DSCAM: variants seen among roughly 807,000 people sequenced by gnomAD.
DSCAM encodes the protein cell adhesion molecule DSCAM.
DSCAM carries 47 observed loss-of-function variants against 217.7 expected under a neutral mutation model. The ratio of observed to expected loss-of-function variants is 0.22; its 90% CI spans 0.17 to 0.28. The LOEUF (loss-of-function observed/expected upper bound fraction) is 0.28. Ranked by LOEUF, DSCAM falls within the 10% of genes least tolerant of loss-of-function variation. The probability of loss-of-function intolerance (pLI) is 1.00; values close to 1 mark genes in which losing one functional copy is unlikely to be tolerated. For synonymous variants in DSCAM, 1,056 were observed against 1,015.3 expected, an observed-to-expected ratio of 1.04 and a Z score of -0.76; for missense variants, 2,080 against 2,618.3, an observed-to-expected ratio of 0.79 and a Z score of 4.49.
At chr21:40,617,921 G>A (rs780548720) in intron 3 of DSCAM, among the ~76,000 whole-genome samples, 2 of 152,208 alleles carry the variant, frequency 1.3e-5, no homozygotes, top group African/African-American at 4.8e-5. Flanking sequence ...GTTCCAACGC[G>A]AAGCAGGCAA....
intron 3 of DSCAM, among the ~76,000 whole-genome samples, chr21:40,654,675 C>T (rs7277997): frequency 4.6e-5 from 7 of 152,058 alleles, no homozygotes; most frequent in Non-Finnish European, 8.8e-5. Flanking sequence ...CCTCCATCCT[C>T]AAAGTCAGCA....
intron 11 of DSCAM, among the ~76,000 whole-genome samples, chr21:40,219,795 A>AT (rs555957383): frequency 9.5e-4 from 144 of 152,300 alleles, no homozygotes; most frequent in African/African-American, 3.2e-3. Context: ...AGTTAAATGA[A>AT]TTTTTTTGAG....
chr21:40,161,279 A>G (rs1460794292), intron 16 of DSCAM, among the ~76,000 whole-genome samples: 1 of 152,216 alleles, frequency 6.6e-6, no homozygotes, highest in Non-Finnish European at 1.5e-5. Context: ...CCCAATGTAT[A>G]GACGGAGAGA....
At chr21:40,805,392 C>T (rs2091776780) in intron 1 of DSCAM, among the ~76,000 whole-genome samples, 1 of 152,136 alleles carries the variant, frequency 6.6e-6, no homozygotes, top group African/African-American at 2.4e-5. Context: ...AGTGAGATTC[C>T]ATGCCCTCTG....
intron 10 of DSCAM, among the ~76,000 whole-genome samples, chr21:40,278,229 AC>A (rs1390325297): frequency 6.6e-6 from 1 of 152,220 alleles, no homozygotes; most frequent in African/African-American, 2.4e-5. Flanking sequence ...ACTAAATAAG[AC>A]CTAAATAATT....
chr21:40,678,991 T>C (rs1312524994), intron 3 of DSCAM, among the ~76,000 whole-genome samples: 7 of 152,186 alleles, frequency 4.6e-5, no homozygotes, highest in Admixed American at 2.0e-4. Flanking sequence ...AAGACAGCTT[T>C]TGTTTTGGGA....
intron 4 of DSCAM, among the ~76,000 whole-genome samples, chr21:40,360,065 G>C (rs2074741326): frequency 6.6e-6 from 1 of 150,418 alleles, no homozygotes; most frequent in African/African-American, 2.4e-5. Flanking sequence ...ACGTGATGCT[G>C]AGGTTTGGAG....
At chr21:40,444,274 C>T (rs926312065) in intron 3 of DSCAM, among the ~76,000 whole-genome samples, 1 of 151,946 alleles carries the variant, frequency 6.6e-6, no homozygotes, top group Non-Finnish European at 1.5e-5. Flanking sequence ...CTTTGGAGTC[C>T]GACATGTAAC....
In DSCAM at chr21:40,339,352, G is replaced by A. The variant is rs766432150; in HGVS notation, c.1274C>T (p.Ser425Phe). The change falls in exon 7 of 33, where the codon TCC becomes TTC. Residue 425 changes from serine to phenylalanine, a missense_variant. This residue lies in a region of DSCAM where 568 missense variants were observed against 678.1 expected (regional missense o/e 0.84). Transcript: ENST00000400454. ...TGTTCCCTTCACGTTGCACATAAGG[G>A]AAACCGGCTCTGCTGGACTCACCAC... ...EKVVSPAEPV[S>F]LMCNVKGTPL... 3.7e-6 allele frequency: 6 copies of A among 1,613,946 alleles called. No homozygotes were observed. Among genetic ancestry groups the A allele is most frequent in the Non-Finnish European group, 4.2e-6 (5 of 1,179,996 alleles).
intron 3 of DSCAM, among the ~76,000 whole-genome samples, chr21:40,656,104 T>C (rs890760947): frequency 2.0e-5 from 3 of 152,154 alleles, no homozygotes; most frequent in African/African-American, 7.2e-5. Context: ...AGAGTGCTCA[T>C]GATGTAATCA....
chr21:40,044,425 C>G (rs1353002248), intron 30 of DSCAM, 150 bp from the exon 31 acceptor site: 5 of 719,638 alleles, frequency 6.9e-6, no homozygotes, highest in Non-Finnish European at 9.0e-6. Flanking sequence ...GCAGAGGATA[C>G]TTTCCCTTTC....
At chr21:40,174,721 G>A (rs2090703943) in intron 15 of DSCAM, among the ~76,000 whole-genome samples, 2 of 152,080 alleles carry the variant, frequency 1.3e-5, no homozygotes, top group South Asian at 2.1e-4. Context: ...TGCCAAGCAG[G>A]AACTCAAGAG....
chr21:40,810,039 C>G (rs1186253507), intron 1 of DSCAM, among the ~76,000 whole-genome samples: 2 of 152,202 alleles, frequency 1.3e-5, no homozygotes, highest in African/African-American at 4.8e-5. Context: ...CCACCTGCTG[C>G]CCAGTAAGGC....
chr21:40,472,936 C>T (rs1482231653), intron 3 of DSCAM, among the ~76,000 whole-genome samples: 2 of 152,112 alleles, frequency 1.3e-5, no homozygotes, highest in African/African-American at 4.8e-5. Context: ...CACAGCTGTG[C>T]ACTTCATATT....
At chr21:40,820,727 A>T (rs935930432) in intron 1 of DSCAM, among the ~76,000 whole-genome samples, 10 of 152,116 alleles carry the variant, frequency 6.6e-5, no homozygotes, top group Non-Finnish European at 1.3e-4. Flanking sequence ...AAAAACAAAA[A>T]ATCAAGAGTG....
At chr21:40,206,246 T>G (rs2091124285) in intron 11 of DSCAM, among the ~76,000 whole-genome samples, 2 of 152,242 alleles carry the variant, frequency 1.3e-5, no homozygotes, top group South Asian at 4.1e-4. Context: ...CCAGTAGGTG[T>G]GTCCCTAATG....
In DSCAM at chr21:40,013,202, C is replaced by A. The variant is rs776580525; in HGVS notation, c.5871G>T (p.Thr1957=). The A allele has an allele frequency of 1.2e-6, 2 of 1,613,684 alleles. No homozygotes were observed. Among genetic ancestry groups the A allele is most frequent in the South Asian group, 2.2e-5 (2 of 90,936 alleles). ...CCGGCTGCCACGACTGTCCTTCTCT[C>A]GTGGAGGAGGCGGAGGAGGCGGCTT... is the stretch of plus-strand genomic sequence containing the variant. ...PMEAASSASS[T]REGQSWQPGA... Residue 1957 remains threonine, a synonymous_variant, in exon 33 of 33, where the codon ACG becomes ACT. Transcript: ENST00000400454.
chr21:40,502,586 C>T (rs994231359), intron 3 of DSCAM, among the ~76,000 whole-genome samples: 1 of 152,172 alleles, frequency 6.6e-6, no homozygotes, highest in Non-Finnish European at 1.5e-5. Flanking sequence ...TCATGGTCTC[C>T]TTCCATCTTC....
intron 18 of DSCAM, among the ~76,000 whole-genome samples, chr21:40,139,285 G>A (rs1218246829): frequency 1.3e-5 from 2 of 151,952 alleles, no homozygotes; most frequent in Non-Finnish European, 1.5e-5. Flanking sequence ...CTGACAACAC[G>A]TGCCCAGGGT....
Sources: allele counts gnomAD v4.1 joint callset (sites outside exome capture counted in the v4.1 genomes callset), GRCh38; gene constraint gnomAD v4.1.1; regional missense constraint gnomAD v4.1.1; transcripts MANE v1.5; gene names NCBI Gene and HGNC (gene_info 2026-07-23, HGNC 2026-07-21).